Variants in CLPTM1 observed in about 807,000 individuals in gnomAD.
CLPTM1 encodes the protein putative lipid scramblase CLPTM1.
A neutral mutation model predicts 77.3 loss-of-function variants in CLPTM1; 21 were observed. That is an observed-to-expected ratio of 0.27 (90% CI 0.19 to 0.39). The LOEUF (loss-of-function observed/expected upper bound fraction) is 0.39. Ranked by LOEUF, CLPTM1 falls within the 10% of genes least tolerant of loss-of-function variation. The probability of loss-of-function intolerance (pLI) is 1.00; values close to 1 mark genes in which losing one functional copy is unlikely to be tolerated. For missense variants in CLPTM1, 642 were observed against 921.2 expected, an observed-to-expected ratio of 0.70 and a Z score of 3.92; for synonymous variants, 373 against 381.0, an observed-to-expected ratio of 0.98 and a Z score of 0.24.
rs994649493 is a variant in CLPTM1, at chr19:44,975,554, GT to G, written c.468+968del. ...GCAGAATGTGGACACAGTCATTCTG[GT>G]TTTTTTTTTTGTTTTTTGTTTTTTT... On this transcript the variant is annotated intron_variant, in intron 4 of 13. Transcript: ENST00000337392. Among the ~76,000 whole-genome samples, 141 of 147,792 alleles carry G rather than the reference GT, an allele frequency of 9.5e-4. 1 individual carries two copies. Among genetic ancestry groups the G allele is most frequent in the African/African-American group, 2.8e-3 (111 of 40,354 alleles).
intron 1 of CLPTM1, among the ~76,000 whole-genome samples, chr19:44,957,020 A>G (rs1175679566): frequency 1.3e-5 from 2 of 152,162 alleles, no homozygotes; most frequent in African/African-American, 4.8e-5. Flanking sequence ...ACTAGATGTC[A>G]GTAGGATCCA....
chr19:44,961,325 A>G (rs1329338169), intron 1 of CLPTM1, among the ~76,000 whole-genome samples: 3 of 152,138 alleles, frequency 2.0e-5, no homozygotes, highest in Admixed American at 6.5e-5. Context: ...AGGGTTGGCC[A>G]CAGAGGGGGC....
intron 2 of CLPTM1, among the ~76,000 whole-genome samples, chr19:44,969,018 G>T (rs568104297): frequency 6.6e-6 from 1 of 152,244 alleles, no homozygotes; most frequent in South Asian, 2.1e-4. Flanking sequence ...GGCTCAGCAG[G>T]GAGGCACCCC....
chr19:44,971,120 C>T (rs570386961), intron 2 of CLPTM1, among the ~76,000 whole-genome samples: 145 of 152,126 alleles, frequency 9.5e-4, no homozygotes, highest in Middle Eastern at 6.9e-3. Flanking sequence ...CTTGAGCCAC[C>T]GCGCCCGGCC....
chr19:44,963,111 G>A lies in CLPTM1; in HGVS notation c.185+1036G>A, dbSNP rs138004181. Among the ~76,000 whole-genome samples, 15 of 148,776 alleles carry A rather than the reference G, an allele frequency of 1.0e-4. No homozygotes were observed. The South Asian group carries it at 3.0e-3, about 30-fold the overall frequency. ...TAGTCCCAGCTACTCAGGAGGCTGA[G>A]GGCAGGAGAATCGTTTGAACCCAGG... On this transcript the variant is annotated intron_variant, in intron 2 of 13. Coordinates refer to ENST00000337392, the MANE Select transcript of CLPTM1 (RefSeq NM_001294.4).
chr19:44,955,007 A>C, upstream of CLPTM1: 1 of 1,535,740 alleles, frequency 6.5e-7, no homozygotes, highest in Non-Finnish European at 8.7e-7. Context: ...AAGCTCAAGA[A>C]ACATGGAACG....
chr19:44,957,479 C>G (rs1453318530), intron 1 of CLPTM1, among the ~76,000 whole-genome samples: 1 of 152,234 alleles, frequency 6.6e-6, no homozygotes, highest in East Asian at 1.9e-4. Context: ...GAAACAGAGG[C>G]TGGGCTGAGG....
At chr19:44,981,341 A>C (rs1287874493) in intron 5 of CLPTM1, among the ~76,000 whole-genome samples, 1 of 151,398 alleles carries the variant, frequency 6.6e-6, no homozygotes, top group African/African-American at 2.4e-5. Flanking sequence ...GGGTTTCTCC[A>C]TGTTGGTCAG....
At position 44,990,205 on chromosome 19, in the gene CLPTM1, C is replaced by CTGG; in HGVS notation, c.1133-187_1133-185dup. On this transcript the variant is annotated intron_variant, in intron 9 of 13. Coordinates refer to ENST00000337392, the MANE Select transcript of CLPTM1 (RefSeq NM_001294.4). The surrounding 1 kb of genome is among the most constrained non-coding windows in gnomAD (Gnocchi z 4.8). ...GGAGGGCTCCAGGGGTGCCGCCTGTCTGGTGCTCTGGGGGTCACCCAATGA... is the reference window on the plus strand; with the variant it reads ...GGAGGGCTCCAGGGGTGCCGCCTGTCTGGTGGTGCTCTGGGGGTCACCCAATGA... 3.3e-6 allele frequency: 2 copies of CTGG among 607,592 alleles called. No homozygotes were observed. The highest frequency in any genetic ancestry group is 5.8e-6 in the Non-Finnish European group (2 of 346,206). 37.6% of individuals were successfully genotyped at this position (607,592 alleles called of 1,614,324 possible).
At chr19:44,965,961 C>T (rs1970621889) in intron 2 of CLPTM1, among the ~76,000 whole-genome samples, 1 of 152,218 alleles carries the variant, frequency 6.6e-6, no homozygotes, top group South Asian at 2.1e-4. Flanking sequence ...GCTCCTATTA[C>T]TGAGGAAGAA....
intron 1 of CLPTM1, among the ~76,000 whole-genome samples, chr19:44,956,299 C>G (rs1374942978): frequency 1.3e-5 from 2 of 152,126 alleles, no homozygotes; most frequent in African/African-American, 4.8e-5. Flanking sequence ...TGGGCAAGTT[C>G]CTTTCCCTCT....
In CLPTM1 at chr19:44,983,910, C is replaced by T. The variant is rs367905766; in HGVS notation, c.587-1308C>T. On this transcript the variant is annotated intron_variant, in intron 5 of 13. Coordinates refer to ENST00000337392, the MANE Select transcript of CLPTM1 (RefSeq NM_001294.4). ...CCAGGAGGCGGAGGTTGCAGTGAGC[C>T]GAGATTGTGCCACTGCACTCCAGCC... Among the ~76,000 whole-genome samples the T allele has an allele frequency of 4.1e-4, 63 of 152,212 alleles. 1 individual carries two copies. The highest frequency in any genetic ancestry group is 1.4e-3 in the African/African-American group (60 of 41,534).
intron 8 of CLPTM1, chr19:44,987,700 C>T (rs768141583): frequency 1.8e-6 from 1 of 554,754 alleles, no homozygotes; most frequent in Non-Finnish European, 3.2e-6. Context: ...GTGTCCCTGG[C>T]CCTGGCTCCA....
intron 7 of CLPTM1, 98 bp downstream of exon 7, chr19:44,986,673 C>A: frequency 6.9e-7 from 1 of 1,446,764 alleles, no homozygotes; most frequent in Non-Finnish European, 9.3e-7. Context: ...CCTGAGAGAG[C>A]TTTCCAGGGC....
rs1450924976 is a variant in CLPTM1, at chr19:44,992,552, GGCCCACCTGGCTGTGGACGGGCCA to G, written c.1724-54_1724-31del. On this transcript the variant is annotated intron_variant, in intron 13 of 13. Coordinates refer to ENST00000337392, the MANE Select transcript of CLPTM1 (RefSeq NM_001294.4). This position sits in a 1 kb window ranked among gnomAD's most constrained non-coding sequence, Gnocchi z 7.7. ...CCTTGCATCACGCCCTCTCCACCCA[GGCCCACCTGGCTGTGGACGGGCCA>G]GCCCGACCTCACACTGCCTCCCACC... The G allele has an allele frequency of 6.2e-7, 1 of 1,605,062 alleles. No individual in the cohort carries two copies. The highest frequency in any genetic ancestry group is 8.5e-7 in the Non-Finnish European group (1 of 1,174,426).
chr19:44,986,823 C>CT, intron 7 of CLPTM1: 4 of 546,850 alleles, frequency 7.3e-6, no homozygotes, highest in Non-Finnish European at 1.3e-5. Context: ...AGCCCACAAA[C>CT]TGTTTTCAAA....
intron 1 of CLPTM1, chr19:44,955,688 CGGCCACCA>C (rs1970452399): frequency 2.5e-6 from 1 of 403,740 alleles, no homozygotes; most frequent in African/African-American, 2.1e-5. Context: ...TCGAGCCGGG[CGGCCACCA>C]GGCTCATTGC....
intron 2 of CLPTM1, among the ~76,000 whole-genome samples, chr19:44,965,108 G>A (rs1049184198): frequency 6.6e-6 from 1 of 150,650 alleles, no homozygotes; most frequent in African/African-American, 2.4e-5. Flanking sequence ...TTTGCTTTTT[G>A]GAGATGTATT....
At chr19:44,973,323 C>A in intron 3 of CLPTM1, 113 bp downstream of exon 3, 2 of 1,438,004 alleles carry the variant, frequency 1.4e-6, no homozygotes, top group Non-Finnish European at 1.9e-6. Flanking sequence ...ACTGGCAGGT[C>A]TAGGAAAACA....
Sources: allele counts gnomAD v4.1 joint callset (sites outside exome capture counted in the v4.1 genomes callset), GRCh38; gene constraint gnomAD v4.1.1; non-coding constraint Gnocchi (gnomAD v3.1); transcripts MANE v1.5; gene names NCBI Gene and HGNC (gene_info 2026-07-23, HGNC 2026-07-21).